Variants in PAPPA2 observed in about 807,000 individuals in gnomAD.
PAPPA2 encodes pappalysin 2.
A neutral mutation model predicts 176.4 loss-of-function variants in PAPPA2; 86 were observed. That is an observed-to-expected ratio of 0.49 (90% CI 0.41 to 0.58). The LOEUF (loss-of-function observed/expected upper bound fraction) is 0.58, where lower values mean the gene tolerates loss of function less well. PAPPA2 is among the 20% of genes least tolerant of loss of function. The pLI is 0.00. For missense variants in PAPPA2, 2,073 were observed against 2,256.9 expected, an observed-to-expected ratio of 0.92 and a Z score of 1.65; for synonymous variants, 809 against 852.2, an observed-to-expected ratio of 0.95 and a Z score of 0.88.
chr1:176,513,542 G>A (rs1025695793), intron 1 of PAPPA2, among the ~76,000 whole-genome samples: 3 of 152,130 alleles, frequency 2.0e-5, no homozygotes, highest in Admixed American at 2.0e-4. Context: ...AGCACAGCAC[G>A]ATATGAATAG....
chr1:176,542,727 A>G (rs564174120), intron 1 of PAPPA2, among the ~76,000 whole-genome samples: 1 of 152,164 alleles, frequency 6.6e-6, no homozygotes, highest in Non-Finnish European at 1.5e-5. Flanking sequence ...TGCTCCTGCT[A>G]TGGCTGAGAT....
At chr1:176,716,962 C>G (rs1661408567) in intron 12 of PAPPA2, among the ~76,000 whole-genome samples, 1 of 152,120 alleles carries the variant, frequency 6.6e-6, no homozygotes, top group Admixed American at 6.6e-5. Flanking sequence ...AACCCATCCC[C>G]TCTTCTGACT....
chr1:176,817,637 T>A (rs1281811711), intron 21 of PAPPA2, among the ~76,000 whole-genome samples: 1 of 152,004 alleles, frequency 6.6e-6, no homozygotes, highest in Non-Finnish European at 1.5e-5. Context: ...GATATAAAAT[T>A]GATTCTAGAA....
In PAPPA2 at chr1:176,627,897, C is replaced by T. The variant is rs374377036; in HGVS notation, c.1991+32302C>T. Among the ~76,000 whole-genome samples, 21 of 152,170 alleles carry T rather than the reference C, an allele frequency of 1.4e-4. No homozygotes were observed. In the East Asian group the frequency reaches 2.1e-3, roughly 15 times the overall value. Reference sequence around the variant, plus strand: ...CTCAGTTCCACTTCCCTTTGAAATACGCATTAAGGTAATCAGTTGAGGATT... The same window carrying T: ...CTCAGTTCCACTTCCCTTTGAAATATGCATTAAGGTAATCAGTTGAGGATT... On this transcript the variant is annotated intron_variant, in intron 3 of 22. Coordinates refer to ENST00000367662, the MANE Select transcript of PAPPA2 (RefSeq NM_020318.3).
chr1:176,548,368 A>C (rs1357392361), intron 1 of PAPPA2, among the ~76,000 whole-genome samples: 1 of 152,128 alleles, frequency 6.6e-6, no homozygotes, highest in Non-Finnish European at 1.5e-5. Context: ...ATACTCTAGC[A>C]GTGGCGGAAG....
At chr1:176,541,328 C>T (rs1330006769) in intron 1 of PAPPA2, among the ~76,000 whole-genome samples, 2 of 152,172 alleles carry the variant, frequency 1.3e-5, no homozygotes, top group African/African-American at 4.8e-5. Context: ...CAGGATTCAG[C>T]CAGAATACCA....
At chr1:176,616,818 G>T in intron 3 of PAPPA2, 1 of 693,622 alleles carries the variant, frequency 1.4e-6, no homozygotes, top group Non-Finnish European at 2.5e-6. Context: ...TACTCAATAG[G>T]GTTATGAAAT....
chr1:176,754,394 C>T (rs1377524351), intron 14 of PAPPA2, among the ~76,000 whole-genome samples: 4 of 152,198 alleles, frequency 2.6e-5, no homozygotes, highest in Non-Finnish European at 4.4e-5. Context: ...TCTCCAGAGG[C>T]CTCTTTAAAA....
At chr1:176,621,738 G>T (rs984533584) in intron 3 of PAPPA2, among the ~76,000 whole-genome samples, 6 of 151,982 alleles carry the variant, frequency 3.9e-5, no homozygotes, top group Non-Finnish European at 8.8e-5. Flanking sequence ...AGTTGATCAG[G>T]TTCAATGGCC....
At chr1:176,761,860 C>T (rs1663714438) in intron 14 of PAPPA2, among the ~76,000 whole-genome samples, 1 of 152,232 alleles carries the variant, frequency 6.6e-6, no homozygotes, top group Non-Finnish European at 1.5e-5. Context: ...TAAGGCTTCA[C>T]TTCTGCCACT....
intron 3 of PAPPA2, among the ~76,000 whole-genome samples, chr1:176,640,103 TC>T (rs1168759394): frequency 1.3e-5 from 2 of 151,552 alleles, no homozygotes; most frequent in African/African-American, 4.8e-5. Flanking sequence ...TCCTATGCCA[TC>T]CCCCAGGAAT....
intron 1 of PAPPA2, among the ~76,000 whole-genome samples, chr1:176,483,685 G>A (rs1029399618): frequency 1.3e-5 from 2 of 151,864 alleles, no homozygotes; most frequent in Non-Finnish European, 2.9e-5. Context: ...TGGCCAGGCT[G>A]GTCTCAAACT....
At chr1:176,542,080 G>A (rs1455981937) in intron 1 of PAPPA2, among the ~76,000 whole-genome samples, 1 of 152,180 alleles carries the variant, frequency 6.6e-6, no homozygotes, top group African/African-American at 2.4e-5. Context: ...ATCTAGTTGT[G>A]TCAGAAGTAT....
chr1:176,787,976 C>T (rs1665014064), intron 17 of PAPPA2, among the ~76,000 whole-genome samples: 1 of 152,058 alleles, frequency 6.6e-6, no homozygotes, highest in South Asian at 2.1e-4. Context: ...AGGAGAATCA[C>T]TTGAACCCGG....
intron 22 of PAPPA2, 59 bp downstream of exon 22, chr1:176,840,330 T>G: frequency 3.0e-6 from 4 of 1,320,388 alleles, no homozygotes; most frequent in Non-Finnish European, 4.3e-6. Context: ...AGGCAGGGTC[T>G]TCAGCTAGCT....
At chr1:176,606,491 G>A (rs1654618679) in intron 3 of PAPPA2, among the ~76,000 whole-genome samples, 2 of 152,188 alleles carry the variant, frequency 1.3e-5, no homozygotes, top group East Asian at 1.9e-4. Context: ...TTTAGATGGA[G>A]TCTTGCTCTG....
chr1:176,494,358 A>G (rs1361875149), intron 1 of PAPPA2, among the ~76,000 whole-genome samples: 2 of 152,226 alleles, frequency 1.3e-5, no homozygotes, highest in Non-Finnish European at 1.5e-5. Context: ...CACACACAAC[A>G]CATAGGCACA....
intron 21 of PAPPA2, among the ~76,000 whole-genome samples, chr1:176,839,794 A>G (rs530442918): frequency 2.6e-5 from 4 of 152,290 alleles, no homozygotes; most frequent in South Asian, 2.1e-4. Context: ...TTTGAGGCCA[A>G]TCCTGCCTAC....
chr1:176,689,464 A>G (rs1660000192), intron 4 of PAPPA2, among the ~76,000 whole-genome samples: 1 of 152,208 alleles, frequency 6.6e-6, no homozygotes, highest in Admixed American at 6.5e-5. Context: ...AGTTGAACCT[A>G]TCTTTTGTCT....
Sources: gnomAD v4.1 joint callset for allele counts (sites outside exome capture counted in the v4.1 genomes callset) on GRCh38, gnomAD v4.1.1 for gene constraint, MANE v1.5 for transcripts, NCBI Gene and HGNC (gene_info 2026-07-23, HGNC 2026-07-21) for gene names.